The following RANGAP1 variants were observed in gnomAD, a reference collection of about 807,000 sequenced individuals.
The protein encoded by RANGAP1 is ran GTPase-activating protein 1.
A neutral mutation model predicts 63.5 loss-of-function variants in RANGAP1; 38 were observed. That is an observed-to-expected ratio of 0.60 (90% CI 0.46 to 0.78). RANGAP1 has a LOEUF of 0.78. Among genes scored for constraint, RANGAP1 ranks in the 30% least tolerant of loss-of-function variants. The pLI, the probability that RANGAP1 is intolerant of heterozygous loss-of-function variation, is 0.00. For synonymous variants in RANGAP1, 329 were observed against 310.5 expected, an observed-to-expected ratio of 1.06 and a Z score of -0.63; for missense variants, 630 against 740.3, an observed-to-expected ratio of 0.85 and a Z score of 1.73.
chr22:41,250,907 G>A (rs2033397806), intron 13 of RANGAP1, 100 bp downstream of exon 13: 12 of 959,164 alleles, frequency 1.3e-5, no homozygotes, highest in Admixed American at 8.4e-5. Flanking sequence ...GTTCCCATGA[G>A]AGCGCTGGGG....
At chr22:41,290,261 ACTCT>A (rs1457885086), upstream of RANGAP1, among the ~76,000 whole-genome samples, 1 of 133,816 alleles carries the variant, frequency 7.5e-6, no homozygotes, top group Non-Finnish European at 1.5e-5. Context: ...ATGGAGTCTC[ACTCT>A]GTCACCCAGG....
chr22:41,299,395 G>A, the RANGAP1 span, among the ~76,000 whole-genome samples: 1 of 152,028 alleles, frequency 6.6e-6, no homozygotes, highest in Non-Finnish European at 1.5e-5. Context: ...GCCTCCCAAA[G>A]TGCTAGGATT....
Position 41,257,917 on chromosome 22 carries a change from G to A in RANGAP1, c.774+31C>T. On this transcript the variant is annotated intron_variant, in intron 7 of 15. Transcript: ENST00000356244. This position sits in a 1 kb window ranked among gnomAD's most constrained non-coding sequence, Gnocchi z 4.0. ...ACAGCAGCCAGCCTCTATCTGGCGGGGCCCAACTGGCTCTGCCACACTCGC... is the reference window on the plus strand; with the variant it reads ...ACAGCAGCCAGCCTCTATCTGGCGGAGCCCAACTGGCTCTGCCACACTCGC... The A allele has an allele frequency of 6.4e-7, 1 of 1,570,604 alleles. No homozygotes were observed. Among genetic ancestry groups the A allele is most frequent in the South Asian group, 1.2e-5 (1 of 84,770 alleles).
chr22:41,280,744 G>A (rs1303142927), intron 2 of RANGAP1, 189 bp downstream of exon 2: 1 of 1,520,130 alleles, frequency 6.6e-7, no homozygotes, highest in Admixed American at 2.0e-5. Context: ...CATGGAAAGT[G>A]CAGGGGAGCT....
chr22:41,292,262 C>G, the RANGAP1 span, among the ~76,000 whole-genome samples: 1 of 151,742 alleles, frequency 6.6e-6, no homozygotes, highest in African/African-American at 2.4e-5. Flanking sequence ...ATTCTCCTGC[C>G]TCAGCCTCCC....
the RANGAP1 span, among the ~76,000 whole-genome samples, chr22:41,292,158 T>A: frequency 1.3e-5 from 2 of 151,650 alleles, no homozygotes; most frequent in Non-Finnish European, 2.9e-5. Flanking sequence ...ATTAAAACAT[T>A]TTTTTTGAGA....
At position 41,256,835 on chromosome 22, in the gene RANGAP1, G is replaced by C; in HGVS notation, c.775-11C>G. ...CAAGGTCTTCAAGGTCTGTGAGGGGGAAGCAAGGGTCCAGAGTGAGGGTGC... is the reference window on the plus strand; with the variant it reads ...CAAGGTCTTCAAGGTCTGTGAGGGGCAAGCAAGGGTCCAGAGTGAGGGTGC... On this transcript the variant is annotated splice_polypyrimidine_tract_variant and intron_variant, in intron 7 of 15. Coordinates refer to ENST00000356244, the MANE Select transcript of RANGAP1 (RefSeq NM_002883.4). The C allele has an allele frequency of 6.2e-7, 1 of 1,610,354 alleles. No homozygotes were observed. The highest frequency in any genetic ancestry group is 8.5e-7 in the Non-Finnish European group (1 of 1,176,922).
intron 1 of RANGAP1, 26 bp from the exon 2 acceptor site, chr22:41,281,108 A>C: frequency 6.6e-7 from 1 of 1,517,274 alleles, no homozygotes; most frequent in Non-Finnish European, 8.7e-7. Context: ...TTGCAGTAAG[A>C]AAAAGGAGTC....
chr22:41,264,512 C>T (rs2034351831), intron 5 of RANGAP1, 152 bp downstream of exon 5: 2 of 1,065,070 alleles, frequency 1.9e-6, no homozygotes. Context: ...ACGCCTCTAC[C>T]CTCCGGCCAC....
intron 12 of RANGAP1, 44 bp downstream of exon 12, chr22:41,252,827 GA>G: frequency 6.7e-7 from 1 of 1,490,084 alleles, no homozygotes; most frequent in South Asian, 1.3e-5. Flanking sequence ...AACAGCTCCA[GA>G]AGCCACAGCA....
At chr22:41,270,854 G>C (rs781479140) in intron 3 of RANGAP1, among the ~76,000 whole-genome samples, 22 of 152,230 alleles carry the variant, frequency 1.4e-4, no homozygotes, top group Non-Finnish European at 2.9e-4. Flanking sequence ...GGAACAGGCA[G>C]CCGGAGCCGG....
At chr22:41,277,619 A>C in intron 2 of RANGAP1, 1 of 655,724 alleles carries the variant, frequency 1.5e-6, no homozygotes, top group Non-Finnish European at 2.1e-6. Flanking sequence ...ATAACCTAGC[A>C]GGGGCTCCCT....
intron 2 of RANGAP1, among the ~76,000 whole-genome samples, chr22:41,276,605 C>T (rs1173258037): frequency 6.6e-6 from 1 of 151,916 alleles, no homozygotes; most frequent in Non-Finnish European, 1.5e-5. Flanking sequence ...TGGCATTGCA[C>T]TAATCCCTGG....
intron 12 of RANGAP1, among the ~76,000 whole-genome samples, chr22:41,252,085 C>A (rs1312929605): frequency 3.3e-5 from 5 of 152,154 alleles, no homozygotes; most frequent in Non-Finnish European, 7.4e-5. Context: ...GTAACCCTAG[C>A]ACTTTGGGAG....
intron 10 of RANGAP1, 31 bp from the exon 11 acceptor site, chr22:41,254,525 C>T (rs201554604): frequency 2.8e-4 from 439 of 1,552,714 alleles, no homozygotes; most frequent in Middle Eastern, 3.4e-4. Flanking sequence ...AGCAGATCCT[C>T]TCTACCCAGC....
chr22:41,300,294 T>C, the RANGAP1 span, among the ~76,000 whole-genome samples: 1 of 151,768 alleles, frequency 6.6e-6, no homozygotes, highest in South Asian at 2.1e-4. Flanking sequence ...TCTAGTTCAC[T>C]TGAGGCAAAA....
chr22:41,264,691 G>A lies in RANGAP1; in HGVS notation c.453C>T (p.Asn151=). Residue 151 remains asparagine (N), a synonymous_variant, in exon 5 of 16, where the codon AAC becomes AAT. Coordinates refer to ENST00000356244, the MANE Select transcript of RANGAP1 (RefSeq NM_002883.4). ...CFTLQELKLN[N]CGMGIGGGKI... ...TGCCGCCGCCAATGCCCATGCCACA[G>A]TTGTTGAGCTTGAGTTCCTGCAGGG... 1.9e-6 allele frequency: 3 copies of A among 1,613,306 alleles called. No individual in the cohort carries two copies. Among genetic ancestry groups the A allele is most frequent in the Non-Finnish European group, 2.5e-6 (3 of 1,179,270 alleles).
At chr22:41,295,299 C>G in the RANGAP1 span, among the ~76,000 whole-genome samples, 2 of 151,504 alleles carry the variant, frequency 1.3e-5, no homozygotes, top group Non-Finnish European at 2.9e-5. Flanking sequence ...GGATGGTTGC[C>G]GTGTCTGTGT....
intron 15 of RANGAP1, among the ~76,000 whole-genome samples, chr22:41,248,998 T>C (rs1193274658): frequency 6.6e-6 from 1 of 152,204 alleles, no homozygotes; most frequent in Non-Finnish European, 1.5e-5. Flanking sequence ...GTCTGGACAC[T>C]GGCCCAGCCT....
Sources: allele counts gnomAD v4.1 joint callset (sites outside exome capture counted in the v4.1 genomes callset), GRCh38; gene constraint gnomAD v4.1.1; non-coding constraint Gnocchi (gnomAD v3.1); transcripts MANE v1.5; gene names NCBI Gene and HGNC (gene_info 2026-07-23, HGNC 2026-07-21).